SLC4A10: variants seen among roughly 807,000 people sequenced by gnomAD.
SLC4A10 encodes the protein sodium-driven chloride bicarbonate exchanger.
SLC4A10 carries 42 observed loss-of-function variants against 137.7 expected under a neutral mutation model. The ratio of observed to expected loss-of-function variants is 0.30; its 90% CI spans 0.24 to 0.39. SLC4A10 has a LOEUF of 0.39. Among genes scored for constraint, SLC4A10 ranks in the 10% least tolerant of loss-of-function variants. The pLI, the probability that SLC4A10 is intolerant of heterozygous loss-of-function variation, is 1.00. For synonymous variants in SLC4A10, 474 were observed against 464.1 expected (o/e 1.02, Z -0.27); for missense variants, 925 against 1,355.0 (o/e 0.68, Z 4.98).
intron 1 of SLC4A10, among the ~76,000 whole-genome samples, chr2:161,746,340 C>T (rs973080437): frequency 1.3e-5 from 2 of 151,102 alleles, no homozygotes; most frequent in African/African-American, 4.9e-5. Flanking sequence ...TTTCCTCAAG[C>T]AGAATGAGTC....
chr2:161,699,886 T>C (rs1316335528), intron 1 of SLC4A10, among the ~76,000 whole-genome samples: 1 of 152,182 alleles, frequency 6.6e-6, no homozygotes, highest in Non-Finnish European at 1.5e-5. Context: ...CACTATGAAT[T>C]AAGCACTTTA....
chr2:161,811,322 A>G (rs539117489), intron 3 of SLC4A10, among the ~76,000 whole-genome samples: 2 of 151,772 alleles, frequency 1.3e-5, no homozygotes, highest in Non-Finnish European at 1.5e-5. Context: ...ACTCTGTTTC[A>G]TTTATCTTTG....
chr2:161,682,077 T>C (rs1027025075), intron 1 of SLC4A10, among the ~76,000 whole-genome samples: 1 of 152,174 alleles, frequency 6.6e-6, no homozygotes, highest in African/African-American at 2.4e-5. Context: ...CCTTACTTTG[T>C]CCATTTTCCA....
At chr2:161,675,850 A>G (rs1232889510) in intron 1 of SLC4A10, among the ~76,000 whole-genome samples, 3 of 152,346 alleles carry the variant, frequency 2.0e-5, no homozygotes, top group African/African-American at 7.2e-5. Flanking sequence ...AGTCATTTCA[A>G]TATAAACATC....
chr2:161,722,250 G>A (rs566494100), intron 1 of SLC4A10, among the ~76,000 whole-genome samples: 3 of 152,294 alleles, frequency 2.0e-5, no homozygotes, highest in South Asian at 4.1e-4. Context: ...TCATTTGGAG[G>A]AGAGAGGCAC....
Position 161,787,067 on chromosome 2 carries a change from T to C in SLC4A10, c.130+16013T>C, listed in dbSNP as rs999835671. Among the ~76,000 whole-genome samples, 4 of 152,194 alleles carry C rather than the reference T, an allele frequency of 2.6e-5. No homozygotes were observed. The South Asian group carries it at 8.3e-4, about 32-fold the overall frequency. On this transcript the variant is annotated intron_variant, in intron 2 of 26. Transcript: ENST00000446997. ...TTATGACAAAGAGTATTGTCCTTTTTCCCCACGTTTACAACACCTTTGAGC... is the reference window on the plus strand; with the variant it reads ...TTATGACAAAGAGTATTGTCCTTTTCCCCCACGTTTACAACACCTTTGAGC...
chr2:161,752,686 G>T (rs536588812), intron 1 of SLC4A10, among the ~76,000 whole-genome samples: 1 of 152,048 alleles, frequency 6.6e-6, no homozygotes, highest in Non-Finnish European at 1.5e-5. Flanking sequence ...AATCTGGAGG[G>T]CATTATGTTA....
intron 3 of SLC4A10, among the ~76,000 whole-genome samples, chr2:161,821,870 C>A (rs1350148863): frequency 6.6e-6 from 1 of 152,036 alleles, no homozygotes; most frequent in Non-Finnish European, 1.5e-5. Context: ...CCTATAAAAT[C>A]ATTTCTATTT....
At chr2:161,976,511 A>G (rs1165763113) in intron 24 of SLC4A10, among the ~76,000 whole-genome samples, 1 of 152,238 alleles carries the variant, frequency 6.6e-6, no homozygotes, top group African/African-American at 2.4e-5. Flanking sequence ...TTATAGGATA[A>G]AAAGAGTTCT....
At chr2:161,934,364 C>T (rs1238975713) in intron 15 of SLC4A10, among the ~76,000 whole-genome samples, 1 of 151,930 alleles carries the variant, frequency 6.6e-6, no homozygotes, top group African/African-American at 2.4e-5. Context: ...TTTTTATCTA[C>T]ATGAGGTCGA....
chr2:161,771,893 C>T (rs1323711894), intron 2 of SLC4A10, among the ~76,000 whole-genome samples: 3 of 151,750 alleles, frequency 2.0e-5, no homozygotes, highest in African/African-American at 7.2e-5. Context: ...AAGTACAAGT[C>T]ATCAGAGAGA....
Position 161,801,909 on chromosome 2 carries a change from C to A in SLC4A10, c.131-2540C>A, listed in dbSNP as rs530285101. Among the ~76,000 whole-genome samples the A allele has an allele frequency of 3.3e-5, 5 of 152,148 alleles. No individual in the cohort carries two copies. In the South Asian group the frequency reaches 6.2e-4, roughly 19 times the overall value. On this transcript the variant is annotated intron_variant, in intron 2 of 26. Transcript: ENST00000446997. ...CACTGATATGAATGTAAGCATTTGA[C>A]TCAATCCCAGAGATCATGTTTTAAT...
chr2:161,777,220 T>A (rs1259221590), intron 2 of SLC4A10, among the ~76,000 whole-genome samples: 3 of 151,828 alleles, frequency 2.0e-5, no homozygotes, highest in African/African-American at 7.2e-5. Flanking sequence ...TTATTGTTAT[T>A]GAGTTGTAGG....
chr2:161,644,307 G>A (rs2035714433), intron 1 of SLC4A10, among the ~76,000 whole-genome samples: 1 of 151,914 alleles, frequency 6.6e-6, no homozygotes, highest in African/African-American at 2.4e-5. Flanking sequence ...TACTAGCCTG[G>A]CAACACAGCG....
chr2:161,880,641 G>A (rs912852396), intron 9 of SLC4A10, among the ~76,000 whole-genome samples: 3 of 152,148 alleles, frequency 2.0e-5, no homozygotes, highest in Non-Finnish European at 4.4e-5. Flanking sequence ...ATCTGACTGT[G>A]TGATTCAGGC....
At chr2:161,660,062 G>T (rs549594018) in intron 1 of SLC4A10, among the ~76,000 whole-genome samples, 22 of 147,368 alleles carry the variant, frequency 1.5e-4, no homozygotes, top group African/African-American at 5.5e-4. Flanking sequence ...CTTTTGGGGG[G>T]TGATGGAAAT....
chr2:161,858,203 G>A (rs1018230716), intron 5 of SLC4A10, among the ~76,000 whole-genome samples: 3 of 152,010 alleles, frequency 2.0e-5, no homozygotes, highest in African/African-American at 7.3e-5. Context: ...CTAATCCCTA[G>A]TACTTTGTGA....
chr2:161,794,670 C>T (rs2054564122), intron 2 of SLC4A10, among the ~76,000 whole-genome samples: 2 of 152,138 alleles, frequency 1.3e-5, no homozygotes, highest in Admixed American at 6.6e-5. Context: ...GTTGTTCCGT[C>T]TCTATGTTCA....
intron 2 of SLC4A10, among the ~76,000 whole-genome samples, chr2:161,788,735 T>C (rs2053897341): frequency 6.6e-6 from 1 of 152,230 alleles, no homozygotes; most frequent in Non-Finnish European, 1.5e-5. Flanking sequence ...TTTCAACTTG[T>C]CTGCCCTTCG....
Sources: allele counts gnomAD v4.1 joint callset (sites outside exome capture counted in the v4.1 genomes callset), GRCh38; gene constraint gnomAD v4.1.1; transcripts MANE v1.5; gene names NCBI Gene and HGNC (gene_info 2026-07-23, HGNC 2026-07-21).